The following RAB3GAP1 variants were observed in gnomAD, a reference collection of about 807,000 sequenced individuals.
RAB3GAP1 encodes rab3 GTPase-activating protein catalytic subunit.
Under a neutral mutation model 130.7 loss-of-function variants are expected in RAB3GAP1, and 86 were observed. That is an observed-to-expected ratio of 0.66 (90% CI 0.55 to 0.79). The LOEUF (loss-of-function observed/expected upper bound fraction) is 0.79. Ranked by LOEUF, RAB3GAP1 falls within the 30% of genes least tolerant of loss-of-function variation. The pLI is 0.00. For synonymous variants in RAB3GAP1, 367 were observed against 401.7 expected (o/e 0.91, Z 1.03); for missense variants, 1,029 against 1,169.4 (o/e 0.88, Z 1.75).
At chr2:135,084,559 T>G (rs1008644256) in intron 3 of RAB3GAP1, among the ~76,000 whole-genome samples, 10 of 152,182 alleles carry the variant, frequency 6.6e-5, no homozygotes, top group African/African-American at 2.4e-4. Flanking sequence ...TAGGAATACC[T>G]TTTGGATGGG....
At chr2:135,119,270 C>T (rs1040154411) in intron 7 of RAB3GAP1, among the ~76,000 whole-genome samples, 2 of 152,002 alleles carry the variant, frequency 1.3e-5, no homozygotes, top group African/African-American at 2.4e-5. Flanking sequence ...CACTACTGCC[C>T]GGCTAATTTT....
Position 135,150,468 on chromosome 2 carries a change from C to T in RAB3GAP1, c.2023C>T (p.Gln675Ter). The T allele has an allele frequency of 1.9e-6, 3 of 1,614,198 alleles. No individual in the cohort carries two copies. The highest frequency in any genetic ancestry group is 2.5e-6 in the Non-Finnish European group (3 of 1,180,036). The change falls in exon 18 of 24, where the codon CAG becomes TAG. Residue 675 changes from glutamine to a stop codon, truncating the protein, a stop_gained. Transcript: ENST00000264158. LOFTEE classifies it high-confidence loss of function. ...GGGGGCTCACCTTCGAGCACGCATG[C>T]AGAGTGCCTGTCTGCTCTCAGATAT... ...AEGAHLRARM[Q>*]SACLLSDMES...
intron 17 of RAB3GAP1, among the ~76,000 whole-genome samples, chr2:135,138,543 A>T (rs1691744630): frequency 6.6e-6 from 1 of 152,094 alleles, no homozygotes; most frequent in Admixed American, 6.6e-5. Flanking sequence ...TATATTTCTT[A>T]TAACTGTTTC....
At chr2:135,080,699 C>T (rs1241304395) in intron 3 of RAB3GAP1, among the ~76,000 whole-genome samples, 5 of 152,122 alleles carry the variant, frequency 3.3e-5, no homozygotes, top group Non-Finnish European at 7.4e-5. Context: ...AGGATCTCTT[C>T]CTATGACAGT....
chr2:135,120,894 T>C lies in RAB3GAP1; in HGVS notation c.724T>C (p.Tyr242His), dbSNP rs577915245. The C allele has an allele frequency of 1.5e-4, 244 of 1,611,872 alleles. 3 individuals are homozygous for C. The Admixed American group carries it at 4.0e-3, about 27-fold the overall frequency. ...FTYVLQDWQQYFWPQQPPDID... is the reference protein window; with the variant it reads ...FTYVLQDWQQHFWPQQPPDID... ...CTATGTACTTCAAGATTGGCAGCAG[T>C]ATTTTTGGCCTCAGCAACCTCCAGG... The change falls in exon 8 of 24, where the codon TAT becomes CAT. Residue 242 changes from tyrosine to histidine, a missense_variant. Around this residue, in one of 3 missense-constraint regions of RAB3GAP1, gnomAD observed 510 missense variants for 532.1 expected, o/e 0.96. Transcript: ENST00000264158.
chr2:135,106,974 A>T (rs539142706), intron 5 of RAB3GAP1, among the ~76,000 whole-genome samples: 2 of 152,040 alleles, frequency 1.3e-5, no homozygotes, highest in African/African-American at 4.8e-5. Context: ...ATGGAAAGAA[A>T]ATCTTATAGG....
At chr2:135,150,950 G>C (rs866281184) in intron 18 of RAB3GAP1, among the ~76,000 whole-genome samples, 1 of 152,294 alleles carries the variant, frequency 6.6e-6, no homozygotes, top group Non-Finnish European at 1.5e-5. Flanking sequence ...GAGGAGATAT[G>C]TAAGGAACTG....
At chr2:135,107,995 A>AG (rs1267201141) in intron 5 of RAB3GAP1, among the ~76,000 whole-genome samples, 1 of 150,994 alleles carries the variant, frequency 6.6e-6, no homozygotes, top group Non-Finnish European at 1.5e-5. Flanking sequence ...AAAAAAAAAA[A>AG]AAAAAAACTA....
At chr2:135,071,525 C>T (rs527301567) in intron 3 of RAB3GAP1, among the ~76,000 whole-genome samples, 15 of 141,652 alleles carry the variant, frequency 1.1e-4, no homozygotes, top group Admixed American at 6.2e-4. Flanking sequence ...CCAAGACAGT[C>T]GTAGGTTAAA....
intron 23 of RAB3GAP1, 66 bp downstream of exon 23, chr2:135,164,762 T>G: frequency 1.5e-6 from 2 of 1,314,060 alleles, no homozygotes; most frequent in Non-Finnish European, 2.1e-6. Flanking sequence ...AGAGGCTGTT[T>G]TAGTTCCCAC....
rs564506173 is a variant in RAB3GAP1, at chr2:135,170,367, T to A, written c.*1586T>A. ...TGGTTTTGTGCTGTCTCAGCTCTAA[T>A]GTTTGCAGCCTGCTGAGCCTAACAA... is the stretch of plus-strand genomic sequence containing the variant. On this transcript the variant is annotated 3_prime_UTR_variant, in exon 24 of 24. Transcript: ENST00000264158. The A allele has an allele frequency of 1.1e-3, 161 of 152,368 alleles. No homozygotes were observed. The highest frequency in any genetic ancestry group is 3.8e-3 in the African/African-American group (156 of 41,594). The allele number at this position is 152,368 out of a possible 1,614,324, so 9.4% of individuals were successfully genotyped here.
chr2:135,110,054 T>TG (rs1159866299), intron 5 of RAB3GAP1, among the ~76,000 whole-genome samples: 1 of 152,110 alleles, frequency 6.6e-6, no homozygotes, highest in Non-Finnish European at 1.5e-5. Context: ...GTAGACCTAT[T>TG]GGGGAAAAAG....
chr2:135,090,925 T>G, intron 3 of RAB3GAP1, 73 bp from the exon 4 acceptor site: 1 of 1,400,538 alleles, frequency 7.1e-7, no homozygotes, highest in Non-Finnish European at 1.0e-6. Flanking sequence ...GGGGAAAATA[T>G]CCCTGTCGTT....
At chr2:135,139,617 A>G (rs1403086191) in intron 17 of RAB3GAP1, among the ~76,000 whole-genome samples, 1 of 152,054 alleles carries the variant, frequency 6.6e-6, no homozygotes, top group African/African-American at 2.4e-5. Flanking sequence ...ATATTGATAC[A>G]TGCATATAAC....
chr2:135,108,875 C>T (rs945386275), intron 5 of RAB3GAP1, among the ~76,000 whole-genome samples: 5 of 152,118 alleles, frequency 3.3e-5, no homozygotes, highest in African/African-American at 9.7e-5. Context: ...AATGTAAAGC[C>T]TATCTAGATT....
intron 3 of RAB3GAP1, among the ~76,000 whole-genome samples, chr2:135,086,469 TAGTG>T (rs1451640691): frequency 1.3e-5 from 2 of 152,122 alleles, no homozygotes; most frequent in African/African-American, 4.8e-5. Flanking sequence ...TGACTATTGA[TAGTG>T]AGTAGTCATC....
Position 135,169,848 on chromosome 2 carries a change from G to A in RAB3GAP1, c.*1067G>A. ...CTGTGTGGCTAGATGGCCTCTGCTT[G>A]GTAATCTTATTTTTAGGCCTAAAAT... On this transcript the variant is annotated 3_prime_UTR_variant, in exon 24 of 24. Transcript: ENST00000264158. The A allele has an allele frequency of 4.9e-6, 2 of 410,158 alleles. No homozygotes were observed. Among genetic ancestry groups the A allele is most frequent in the Non-Finnish European group, 9.9e-6 (2 of 202,316 alleles). The allele number at this position is 410,158 out of a possible 1,614,324, so 25.4% of individuals were successfully genotyped here.
At chr2:135,072,336 T>A (rs1258137573) in intron 3 of RAB3GAP1, among the ~76,000 whole-genome samples, 4 of 152,222 alleles carry the variant, frequency 2.6e-5, no homozygotes. Flanking sequence ...GAGAGACTTA[T>A]ATCCCGTTTG....
chr2:135,134,842 GA>G (rs1216333459), intron 15 of RAB3GAP1, among the ~76,000 whole-genome samples: 2 of 152,174 alleles, frequency 1.3e-5, no homozygotes, highest in Non-Finnish European at 2.9e-5. Flanking sequence ...AGGTCCTATT[GA>G]AATACAGGTG....
Sources: allele counts gnomAD v4.1 joint callset (sites outside exome capture counted in the v4.1 genomes callset), GRCh38; gene constraint gnomAD v4.1.1; regional missense constraint gnomAD v4.1.1; transcripts MANE v1.5; gene names NCBI Gene and HGNC (gene_info 2026-07-23, HGNC 2026-07-21).